SNX9: variants seen among roughly 807,000 people sequenced by gnomAD.
SNX9 encodes the protein sorting nexin-9.
Under a neutral mutation model 89.4 loss-of-function variants are expected in SNX9, and 44 were observed. The ratio of observed to expected loss-of-function variants is 0.49; its 90% confidence interval spans 0.39 to 0.63. The LOEUF (loss-of-function observed/expected upper bound fraction) is 0.63, where lower values mean the gene tolerates loss of function less well. SNX9 is among the 30% of genes least tolerant of loss of function. SNX9 has a pLI of 0.00. For synonymous variants in SNX9, 236 were observed against 247.8 expected, an observed-to-expected ratio of 0.95 and a Z score of 0.45; for missense variants, 578 against 736.1, an observed-to-expected ratio of 0.79 and a Z score of 2.49.
intron 4 of SNX9, among the ~76,000 whole-genome samples, chr6:157,875,474 G>A (rs984442316): frequency 4.6e-5 from 7 of 152,166 alleles, no homozygotes; most frequent in Non-Finnish European, 8.8e-5. Context: ...CTTAGATAAA[G>A]GCATGGAAAG....
At chr6:157,826,537 T>C (rs1781348348) in intron 1 of SNX9, among the ~76,000 whole-genome samples, 1 of 149,830 alleles carries the variant, frequency 6.7e-6, no homozygotes, top group Non-Finnish European at 1.5e-5. Context: ...AATCAGTAAC[T>C]GCACATTTTA....
intron 6 of SNX9, among the ~76,000 whole-genome samples, chr6:157,904,383 G>A (rs952134227): frequency 2.0e-5 from 3 of 152,090 alleles, no homozygotes; most frequent in South Asian, 2.1e-4. Flanking sequence ...GCAGTGAGCC[G>A]AGATGGCACC....
intron 1 of SNX9, chr6:157,829,092 G>A (rs1307434278): frequency 6.6e-6 from 1 of 151,944 alleles, no homozygotes; most frequent in Non-Finnish European, 1.5e-5. Context: ...TAGTGTATTT[G>A]TTAAAAGTGT....
intron 5 of SNX9, among the ~76,000 whole-genome samples, chr6:157,898,695 TAAG>T (rs1291610781): frequency 6.6e-6 from 1 of 152,210 alleles, no homozygotes; most frequent in East Asian, 1.9e-4. Flanking sequence ...TGAAATTAAA[TAAG>T]AAGGTAGTCT....
At chr6:157,852,595 T>C (rs1781935662) in intron 1 of SNX9, among the ~76,000 whole-genome samples, 2 of 151,752 alleles carry the variant, frequency 1.3e-5, no homozygotes, top group Admixed American at 1.3e-4. Context: ...TTTTGTTTTT[T>C]TGAGACAGGG....
At chr6:157,839,959 G>A (rs1161437759) in intron 1 of SNX9, among the ~76,000 whole-genome samples, 2 of 152,128 alleles carry the variant, frequency 1.3e-5, no homozygotes, top group Admixed American at 6.5e-5. Context: ...TATCCTCTCC[G>A]GTTGTTTCAT....
At chr6:157,933,426 G>A (rs1783857294) in intron 13 of SNX9, among the ~76,000 whole-genome samples, 2 of 152,246 alleles carry the variant, frequency 1.3e-5, no homozygotes, top group African/African-American at 4.8e-5. Context: ...TGCTTTGGAT[G>A]TCGGTTTCTG....
chr6:157,910,537 T>G (rs1332054108), intron 9 of SNX9, among the ~76,000 whole-genome samples: 1 of 152,194 alleles, frequency 6.6e-6, no homozygotes, highest in African/African-American at 2.4e-5. Flanking sequence ...TTTTGATTAT[T>G]ACCCTCTCCC....
chr6:157,905,348 T>C (rs1181491609), intron 6 of SNX9, among the ~76,000 whole-genome samples: 1 of 152,206 alleles, frequency 6.6e-6, no homozygotes, highest in African/African-American at 2.4e-5. Flanking sequence ...ATTGTAGATA[T>C]TTTGCTTCCT....
At chr6:157,835,395 A>T (rs1781562786) in intron 1 of SNX9, among the ~76,000 whole-genome samples, 1 of 151,692 alleles carries the variant, frequency 6.6e-6, no homozygotes. Flanking sequence ...TTCAGCCTTT[A>T]AAAACCCATT....
At chr6:157,917,178 C>T (rs1445988471) in intron 9 of SNX9, among the ~76,000 whole-genome samples, 1 of 152,084 alleles carries the variant, frequency 6.6e-6, no homozygotes, top group Non-Finnish European at 1.5e-5. Context: ...TAGAGTTGCT[C>T]ATAGTATTTC....
In SNX9 at chr6:157,942,866, G is replaced by C. The variant is rs749776605; in HGVS notation, c.*28G>C. 6 of 1,602,038 alleles carry C rather than the reference G, an allele frequency of 3.7e-6. No individual in the cohort carries two copies. In the African/African-American group the frequency reaches 6.7e-5, roughly 18 times the overall value. ...CAGAACGGGCCTTGAAGAGAATGCCGCGTGCTTTCTCCTGACTTGGGGCAA... is the reference window on the plus strand; with the variant it reads ...CAGAACGGGCCTTGAAGAGAATGCCCCGTGCTTTCTCCTGACTTGGGGCAA... On this transcript the variant is annotated 3_prime_UTR_variant, in exon 18 of 18. Coordinates refer to ENST00000392185, the MANE Select transcript of SNX9 (RefSeq NM_016224.5).
intron 2 of SNX9, among the ~76,000 whole-genome samples, chr6:157,872,220 T>C (rs1782427606): frequency 6.6e-6 from 1 of 152,180 alleles, no homozygotes; most frequent in African/African-American, 2.4e-5. Flanking sequence ...AGATAAAGTT[T>C]CTTCCAAGGA....
chr6:157,893,355 C>A (rs1289395548), intron 4 of SNX9, among the ~76,000 whole-genome samples: 3 of 152,130 alleles, frequency 2.0e-5, no homozygotes. Context: ...AGTAAAATAA[C>A]AAGTAACTTC....
At chr6:157,898,269 G>A (rs1182365917) in intron 5 of SNX9, among the ~76,000 whole-genome samples, 1 of 152,200 alleles carries the variant, frequency 6.6e-6, no homozygotes, top group Non-Finnish European at 1.5e-5. Flanking sequence ...TCTAACTTTA[G>A]TTCAGTCTTA....
At chr6:157,847,188 CA>C (rs1458760405) in intron 1 of SNX9, among the ~76,000 whole-genome samples, 1 of 152,110 alleles carries the variant, frequency 6.6e-6, no homozygotes, top group African/African-American at 2.4e-5. Flanking sequence ...CTGCAGCTTC[CA>C]CCTCTTGGGC....
intron 1 of SNX9, among the ~76,000 whole-genome samples, chr6:157,862,063 T>G (rs1002410857): frequency 1.3e-5 from 2 of 152,218 alleles, no homozygotes; most frequent in African/African-American, 2.4e-5. Flanking sequence ...CAGAATGGCA[T>G]GGACTCTAAA....
intron 1 of SNX9, among the ~76,000 whole-genome samples, chr6:157,827,968 G>A (rs1781413207): frequency 6.6e-6 from 1 of 151,724 alleles, no homozygotes; most frequent in Admixed American, 6.6e-5. Flanking sequence ...AAAAATAATG[G>A]TAGGGAATAA....
At position 157,823,878 on chromosome 6, in the gene SNX9, G is replaced by GC; in HGVS notation, c.12+437dup. ...TCCCGCTGCCGCCTGGGGGACCCTC[G>GC]CCCCCGCGGGGCGGGTGGGGGTCGA... On this transcript the variant is annotated intron_variant, in intron 1 of 17. Coordinates refer to ENST00000392185, the MANE Select transcript of SNX9 (RefSeq NM_016224.5). This position sits in a 1 kb window ranked among gnomAD's most constrained non-coding sequence, Gnocchi z 4.6. Among the ~76,000 whole-genome samples, 1 of 152,100 alleles carries GC rather than the reference G, an allele frequency of 6.6e-6. No homozygotes were observed. The highest frequency in any genetic ancestry group is 3.4e-3 in the Middle Eastern group (1 of 292).
Sources: allele counts gnomAD v4.1 joint callset (sites outside exome capture counted in the v4.1 genomes callset), GRCh38; gene constraint gnomAD v4.1.1; non-coding constraint Gnocchi (gnomAD v3.1); transcripts MANE v1.5; gene names NCBI Gene and HGNC (gene_info 2026-07-23, HGNC 2026-07-21).